Variants in AGMO observed in about 807,000 individuals in gnomAD.
The protein encoded by AGMO is alkylglycerol monooxygenase.
In AGMO, 75 loss-of-function variants were observed where a neutral mutation model predicts 60.2. The ratio of observed to expected loss-of-function variants is 1.25; its 90% confidence interval spans 1.03 to 1.51. AGMO has a LOEUF of 1.51. AGMO is among the 40% of genes most tolerant of loss of function. The probability of loss-of-function intolerance (pLI) is 0.00; values close to 1 mark genes in which losing one functional copy is unlikely to be tolerated. For missense variants in AGMO, 763 were observed against 525.5 expected (o/e 1.45, Z -4.42); for synonymous variants, 261 against 177.1 (o/e 1.47, Z -3.76).
chr7:15,275,162 T>A (rs556215567), intron 12 of AGMO, among the ~76,000 whole-genome samples: 15 of 152,130 alleles, frequency 9.9e-5, no homozygotes, highest in Non-Finnish European at 1.9e-4. Flanking sequence ...GATACTTCTA[T>A]CTTTTTAAGG....
At chr7:15,135,162 TTGTGTG>T in the AGMO span, among the ~76,000 whole-genome samples, 458 of 102,090 alleles carry the variant, frequency 4.5e-3, 1 homozygote, top group African/African-American at 0.013. Context: ...TTATATGAGT[TTGTGTG>T]TGTGTGTGTG....
intron 4 of AGMO, among the ~76,000 whole-genome samples, chr7:15,425,536 G>C (rs2128496493): frequency 6.6e-6 from 1 of 151,748 alleles, no homozygotes; most frequent in East Asian, 1.9e-4. Context: ...CAGGGACCAA[G>C]TGATCCTCAC....
At chr7:15,390,177 T>G (rs1038156060) in intron 8 of AGMO, among the ~76,000 whole-genome samples, 3 of 151,530 alleles carry the variant, frequency 2.0e-5, no homozygotes, top group Non-Finnish European at 4.4e-5. Context: ...AAGAGAAAAC[T>G]GGTCCAGTCC....
the AGMO span, among the ~76,000 whole-genome samples, chr7:15,156,821 G>T: frequency 2.6e-5 from 4 of 152,198 alleles, no homozygotes; most frequent in East Asian, 3.9e-4. Flanking sequence ...CTCTCTCAGT[G>T]GAAAAAGCTC....
At chr7:15,502,428 A>G (rs1007609176) in intron 3 of AGMO, among the ~76,000 whole-genome samples, 1 of 152,008 alleles carries the variant, frequency 6.6e-6, no homozygotes, top group Non-Finnish European at 1.5e-5. Flanking sequence ...GAGACAATTT[A>G]TAATAAACAA....
intron 10 of AGMO, among the ~76,000 whole-genome samples, chr7:15,369,693 TTC>T (rs1042956353): frequency 6.6e-6 from 1 of 152,184 alleles, no homozygotes; most frequent in African/African-American, 2.4e-5. Context: ...TGTTGGTGCA[TTC>T]TCTGTTGTCT....
At chr7:15,354,520 A>ACGCG (rs1180936520) in intron 12 of AGMO, among the ~76,000 whole-genome samples, 2 of 94,676 alleles carry the variant, frequency 2.1e-5, no homozygotes, top group Non-Finnish European at 4.1e-5. Context: ...ATATATATAT[A>ACGCG]TATATATATA....
intron 4 of AGMO, among the ~76,000 whole-genome samples, chr7:15,427,308 A>G (rs1386961519): frequency 6.6e-6 from 1 of 152,170 alleles, no homozygotes; most frequent in Non-Finnish European, 1.5e-5. Flanking sequence ...ATAGTTTAAT[A>G]TCTTCAGAAG....
At chr7:15,500,982 A>G (rs1783370253) in intron 3 of AGMO, among the ~76,000 whole-genome samples, 1 of 151,856 alleles carries the variant, frequency 6.6e-6, no homozygotes, top group Non-Finnish European at 1.5e-5. Context: ...TTTCTATGTA[A>G]TTGTATGGTT....
At chr7:15,504,423 A>G (rs1161329986) in intron 3 of AGMO, among the ~76,000 whole-genome samples, 2 of 152,048 alleles carry the variant, frequency 1.3e-5, no homozygotes, top group East Asian at 3.9e-4. Context: ...ATCTGTAAAG[A>G]TGAATTTCAA....
intron 12 of AGMO, among the ~76,000 whole-genome samples, chr7:15,287,004 T>C (rs1176169948): frequency 1.3e-5 from 2 of 152,240 alleles, no homozygotes; most frequent in African/African-American, 2.4e-5. Flanking sequence ...CTTTCACTTA[T>C]ATGTGGGAGT....
At chr7:15,495,938 T>C (rs999370328) in intron 3 of AGMO, among the ~76,000 whole-genome samples, 1 of 152,066 alleles carries the variant, frequency 6.6e-6, no homozygotes, top group East Asian at 1.9e-4. Flanking sequence ...AAATTCATTG[T>C]GAGAGTCTCA....
intron 3 of AGMO, among the ~76,000 whole-genome samples, chr7:15,477,131 C>T (rs1036751295): frequency 6.6e-6 from 1 of 151,040 alleles, no homozygotes; most frequent in African/African-American, 2.4e-5. Context: ...TTAGAACATT[C>T]TTTTTTTTTA....
chr7:15,262,040 C>T (rs530878297), intron 12 of AGMO, among the ~76,000 whole-genome samples: 45 of 151,978 alleles, frequency 3.0e-4, no homozygotes, highest in Middle Eastern at 6.8e-3. Context: ...CCAACATTAT[C>T]CTGAATGGAG....
intron 12 of AGMO, among the ~76,000 whole-genome samples, chr7:15,331,074 G>A (rs987060515): frequency 6.6e-6 from 1 of 152,032 alleles, no homozygotes; most frequent in Non-Finnish European, 1.5e-5. Flanking sequence ...GAACCTTTGG[G>A]CAATCAAGCA....
At chr7:15,383,726 G>A (rs1783791806) in intron 10 of AGMO, among the ~76,000 whole-genome samples, 2 of 152,056 alleles carry the variant, frequency 1.3e-5, no homozygotes, top group South Asian at 4.1e-4. Context: ...AATACACATT[G>A]TTGTTTGAAA....
chr7:15,354,338 A>ACG (rs1477212059), intron 12 of AGMO, among the ~76,000 whole-genome samples: 3 of 93,696 alleles, frequency 3.2e-5, no homozygotes, highest in Non-Finnish European at 6.2e-5. Flanking sequence ...ACGCGTGTAT[A>ACG]TACACGCGTG....
In AGMO at chr7:15,423,280, T is replaced by C. The variant is rs564866567; in HGVS notation, c.514-4627A>G. 2.1e-3 allele frequency among the ~76,000 whole-genome samples: 320 copies of C among 152,326 alleles called. 1 individual carries two copies. The highest frequency in any genetic ancestry group is 7.1e-3 in the African/African-American group (297 of 41,584). On this transcript the variant is annotated intron_variant, in intron 4 of 12. Transcript: ENST00000342526. ...CATTCCTTAAGTCTATGATTAGTAATGACACAGATCAAAATTACCTGATTA... is the reference window on the plus strand; with the variant it reads ...CATTCCTTAAGTCTATGATTAGTAACGACACAGATCAAAATTACCTGATTA...
chr7:15,267,316 T>TTA (rs1281149730), intron 12 of AGMO, among the ~76,000 whole-genome samples: 3 of 151,998 alleles, frequency 2.0e-5, no homozygotes, highest in African/African-American at 7.2e-5. Flanking sequence ...TTCTATACAT[T>TTA]AGTCTAATGA....
Sources: allele counts gnomAD v4.1 joint callset (sites outside exome capture counted in the v4.1 genomes callset), GRCh38; gene constraint gnomAD v4.1.1; transcripts MANE v1.5; gene names NCBI Gene and HGNC (gene_info 2026-07-23, HGNC 2026-07-21).